TYW3: variants seen among roughly 807,000 people sequenced by gnomAD.
TYW3 encodes the protein tRNA-yW synthesizing protein 3 homolog, also known as tRNA wybutosine-synthesizing protein 3 homolog.
TYW3 carries 26 observed loss-of-function variants against 23.1 expected under a neutral mutation model. That is an observed-to-expected ratio of 1.13 (90% confidence interval 0.83 to 1.56). TYW3 has a LOEUF of 1.56. Ranked by LOEUF, TYW3 falls within the 40% of genes most tolerant of loss-of-function variation. The pLI, the probability that TYW3 is intolerant of heterozygous loss-of-function variation, is 0.00. For missense variants in TYW3, 316 were observed against 311.9 expected (o/e 1.01, Z -0.10); for synonymous variants, 102 against 105.7 (o/e 0.97, Z 0.21).
At chr1:74,752,223 C>G in intron 4 of TYW3, 69 bp from the exon 5 acceptor site, 5 of 1,497,462 alleles carry the variant, frequency 3.3e-6, no homozygotes, top group Non-Finnish European at 4.5e-6. Context: ...CCTGACGGGA[C>G]TTTTCTTGAG....
At chr1:74,740,300 C>T (rs1174488916) in intron 3 of TYW3, among the ~76,000 whole-genome samples, 4 of 152,166 alleles carry the variant, frequency 2.6e-5, no homozygotes, top group South Asian at 2.1e-4. Context: ...CCAGTGGGTT[C>T]GTGGTCTTGC....
rs1230037805 is a variant in TYW3 at position 74,765,870 on chromosome 1, G to A, written c.*1757G>A. 1 of 152,016 alleles carries A rather than the reference G, an allele frequency of 6.6e-6. No homozygotes were observed. Among genetic ancestry groups the A allele is most frequent in the Non-Finnish European group, 1.5e-5 (1 of 67,994 alleles). The allele number at this position is 152,016 out of a possible 1,614,324, so 9.4% of individuals were successfully genotyped here. A position where few individuals can be genotyped will look rare whatever the true frequency, so the allele number is the denominator to read the frequency against. ...GCTGCTTCCTAATCTGTTTATATAA[G>A]GTATAGTATAGTATAATCTGTTTAT... On this transcript the variant is annotated 3_prime_UTR_variant, in exon 6 of 6. Coordinates refer to ENST00000370867, the MANE Select transcript of TYW3 (RefSeq NM_138467.3).
intron 3 of TYW3, among the ~76,000 whole-genome samples, chr1:74,743,410 T>C (rs1274596923): frequency 6.6e-6 from 1 of 152,104 alleles, no homozygotes; most frequent in Non-Finnish European, 1.5e-5. Context: ...AGGGCTTGCT[T>C]TTGGAGCTTT....
chr1:74,756,699 G>C (rs182618464), intron 5 of TYW3, among the ~76,000 whole-genome samples: 27 of 152,354 alleles, frequency 1.8e-4, no homozygotes, highest in African/African-American at 5.3e-4. Context: ...AGAAATTCAA[G>C]TCAGCCCTAG....
At chr1:74,749,043 A>G (rs537929244) in intron 4 of TYW3, among the ~76,000 whole-genome samples, 2 of 152,260 alleles carry the variant, frequency 1.3e-5, no homozygotes, top group African/African-American at 4.8e-5. Flanking sequence ...CTTACTTTTA[A>G]CCTGATTCTT....
chr1:74,763,754 A>G (rs1649204032), intron 5 of TYW3, 140 bp from the exon 6 acceptor site: 1 of 587,850 alleles, frequency 1.7e-6, no homozygotes, highest in Admixed American at 3.8e-5. Flanking sequence ...TCCCTAATAA[A>G]ACATATTATT....
chr1:74,765,905 G>T lies in TYW3; in HGVS notation c.*1792G>T, dbSNP rs1649292373. 6.6e-6 allele frequency: 1 copy of T among 152,136 alleles called. No homozygotes were observed. The highest frequency in any genetic ancestry group is 1.5e-5 in the Non-Finnish European group (1 of 68,024). The allele number at this position is 152,136 out of a possible 1,614,324, so 9.4% of individuals were successfully genotyped here. A position where few individuals can be genotyped will look rare whatever the true frequency, so the allele number is the denominator to read the frequency against. ...AGTATAATCTGTTTATATAAGGTTAGTAGAGAGGAGACACCAGGTGCTGGC... is the reference window on the plus strand; with the variant it reads ...AGTATAATCTGTTTATATAAGGTTATTAGAGAGGAGACACCAGGTGCTGGC... On this transcript the variant is annotated 3_prime_UTR_variant, in exon 6 of 6. Transcript: ENST00000370867.
At chr1:74,734,237 C>T (rs1438343535) in intron 1 of TYW3, 1 of 152,172 alleles carries the variant, frequency 6.6e-6, no homozygotes, top group South Asian at 2.1e-4. Context: ...TTGAGCCAAC[C>T]AGCTCCTTCC....
intron 3 of TYW3, among the ~76,000 whole-genome samples, chr1:74,747,432 T>A (rs1227402836): frequency 6.6e-6 from 1 of 151,304 alleles, no homozygotes; most frequent in Non-Finnish European, 1.5e-5. Context: ...GGTCAGGAGA[T>A]CGAGACCATC....
In TYW3 at chr1:74,748,712, C is replaced by G. The variant is rs1448608084; in HGVS notation, c.355-39C>G. On this transcript the variant is annotated intron_variant, in intron 3 of 5. Coordinates refer to ENST00000370867, the MANE Select transcript of TYW3 (RefSeq NM_138467.3). ...GGAGCCAAACAGATGATCTGGTTACCCACAGTATCAAAATGTAACAAGTTT... is the reference window on the plus strand; with the variant it reads ...GGAGCCAAACAGATGATCTGGTTACGCACAGTATCAAAATGTAACAAGTTT... 7 of 1,571,374 alleles carry G rather than the reference C, an allele frequency of 4.5e-6. No individual in the cohort carries two copies. The South Asian group carries it at 7.8e-5, about 17-fold the overall frequency.
In TYW3 at chr1:74,759,735, C is replaced by T. The variant is rs151081037; in HGVS notation, c.561-4159C>T. On this transcript the variant is annotated intron_variant, in intron 5 of 5. Transcript: ENST00000370867. ...CTTGGCTCACTGCAACCTTCGCCTTCCAGGCTCAAGTGATCCTCCACCTCA... is the reference window on the plus strand; with the variant it reads ...CTTGGCTCACTGCAACCTTCGCCTTTCAGGCTCAAGTGATCCTCCACCTCA... 5.1e-4 allele frequency among the ~76,000 whole-genome samples: 78 copies of T among 152,288 alleles called. 1 individual carries two copies. In the East Asian group the frequency reaches 0.014, roughly 27 times the overall value.
chr1:74,742,109 C>A (rs548986374), intron 3 of TYW3, among the ~76,000 whole-genome samples: 1 of 152,142 alleles, frequency 6.6e-6, no homozygotes, highest in Non-Finnish European at 1.5e-5. Context: ...CAACACAGAC[C>A]GACAAGTATT....
intron 3 of TYW3, among the ~76,000 whole-genome samples, chr1:74,744,427 C>T (rs1413408684): frequency 6.6e-6 from 1 of 151,678 alleles, no homozygotes; most frequent in Non-Finnish European, 1.5e-5. Flanking sequence ...GTTTGCGGGT[C>T]AAATTGGTCC....
At chr1:74,733,881 AG>A (rs1165032122) in intron 1 of TYW3, among the ~76,000 whole-genome samples, 1 of 152,186 alleles carries the variant, frequency 6.6e-6, no homozygotes, top group East Asian at 1.9e-4. Context: ...AGTGTTAAGG[AG>A]TTTACTGCCT....
In TYW3 at chr1:74,748,794, C is replaced by T. The variant is rs369783452; in HGVS notation, c.398C>T (p.Thr133Met). The part of the protein sequence containing the change: ...IDSGFRNSGI[T>M]VGKRGKTMLA... Reference sequence around the variant, plus strand: ...TCTGGTTTCAGGAACTCTGGCATAACGGTGGGAAAGAGAGGAAAAACTATG... The same window carrying T: ...TCTGGTTTCAGGAACTCTGGCATAATGGTGGGAAAGAGAGGAAAAACTATG... The change falls in exon 4 of 6, where the codon ACG becomes ATG. Residue 133 changes from threonine to methionine, a missense_variant. Coordinates refer to ENST00000370867, the MANE Select transcript of TYW3 (RefSeq NM_138467.3). The T allele has an allele frequency of 1.8e-5, 29 of 1,613,826 alleles. No homozygotes were observed. The highest frequency in any genetic ancestry group is 1.6e-4 in the Middle Eastern group (1 of 6,082).
chr1:74,761,038 GA>G lies in TYW3; in HGVS notation c.561-2850del, dbSNP rs551711230. Reference sequence around the variant, plus strand: ...GCTATTTGCTTTTCTTTCAAGGAGAGAAAAAATACAGTTGCCTGAACATACT... The same window carrying G: ...GCTATTTGCTTTTCTTTCAAGGAGAGAAAAATACAGTTGCCTGAACATACT... On this transcript the variant is annotated intron_variant, in intron 5 of 5. Transcript: ENST00000370867. 1.3e-3 allele frequency among the ~76,000 whole-genome samples: 189 copies of G among 150,314 alleles called. 2 individuals are homozygous for G. Among genetic ancestry groups the G allele is most frequent in the African/African-American group, 4.3e-3 (178 of 41,208 alleles).
intron 1 of TYW3, chr1:74,733,656 A>G (rs2100749367): frequency 1.4e-6 from 1 of 716,652 alleles, no homozygotes; most frequent in Non-Finnish European, 1.7e-6. Flanking sequence ...AGTGTAGGGT[A>G]GGGCCTGATA....
intron 1 of TYW3, among the ~76,000 whole-genome samples, chr1:74,735,564 A>AG (rs1648124332): frequency 6.6e-6 from 1 of 152,332 alleles, no homozygotes; most frequent in Admixed American, 6.5e-5. Context: ...CACAAGAAAA[A>AG]ATAAAAAGTG....
At position 74,764,347 on chromosome 1, in the gene TYW3, T is replaced by C. The variant is rs536146419; in HGVS notation, c.*234T>C. ...CCTGAAATGCTATAGTTATCCCTACTTTTTTACCAGTTTCTCCCAGAAGCA... is the reference window on the plus strand; with the variant it reads ...CCTGAAATGCTATAGTTATCCCTACCTTTTTACCAGTTTCTCCCAGAAGCA... On this transcript the variant is annotated 3_prime_UTR_variant, in exon 6 of 6. Coordinates refer to ENST00000370867, the MANE Select transcript of TYW3 (RefSeq NM_138467.3). The C allele has an allele frequency of 7.4e-5, 27 of 365,052 alleles. No homozygotes were observed. Among genetic ancestry groups the C allele is most frequent in the African/African-American group, 5.4e-4 (26 of 47,734 alleles). 22.6% of individuals were successfully genotyped at this position (365,052 alleles called of 1,614,324 possible). A position where few individuals can be genotyped will look rare whatever the true frequency, so the allele number is the denominator to read the frequency against.
Sources: allele counts gnomAD v4.1 joint callset (sites outside exome capture counted in the v4.1 genomes callset), GRCh38; gene constraint gnomAD v4.1.1; transcripts MANE v1.5; gene names NCBI Gene and HGNC (gene_info 2026-07-23, HGNC 2026-07-21).